Variants in ATP11B observed in about 807,000 individuals in gnomAD.
ATP11B encodes the protein phospholipid-transporting ATPase IF.
ATP11B carries 81 observed loss-of-function variants against 157.8 expected under a neutral mutation model. That is an observed-to-expected ratio of 0.51 (90% confidence interval 0.43 to 0.62). The LOEUF is 0.62. ATP11B is among the 20% of genes least tolerant of loss of function. The probability of loss-of-function intolerance (pLI) is 0.00; values close to 1 mark genes in which losing one functional copy is unlikely to be tolerated. For synonymous variants in ATP11B, 451 were observed against 469.4 expected (o/e 0.96, Z 0.51); for missense variants, 1,165 against 1,402.2 (o/e 0.83, Z 2.70).
At chr3:182,848,392 A>G in intron 9 of ATP11B, 84 bp from the exon 10 acceptor site, 1 of 795,280 alleles carries the variant, frequency 1.3e-6, no homozygotes, top group Non-Finnish European at 1.8e-6. Flanking sequence ...GTACACTAAA[A>G]GCTTTCATGC....
rs1489001936 is a variant in ATP11B at position 182,793,717 on chromosome 3, C to A, written c.-43C>A. The A allele has an allele frequency of 2.9e-6, 4 of 1,383,106 alleles. No homozygotes were observed. Among genetic ancestry groups the A allele is most frequent in the Non-Finnish European group, 3.8e-6 (4 of 1,054,764 alleles). The allele number at this position is 1,383,106 out of a possible 1,614,324, so 85.7% of individuals were successfully genotyped here. ...TTGTCGGCCTCCACCTGCAGCCCCG[C>A]GGCCCCCGCGCCCCGCGGGACCCGG... is the stretch of plus-strand genomic sequence containing the variant. On this transcript the variant is annotated 5_prime_UTR_variant, in exon 1 of 30. Transcript: ENST00000323116.
chr3:182,814,961 G>A, intron 1 of ATP11B, among the ~76,000 whole-genome samples: 1 of 152,222 alleles, frequency 6.6e-6, no homozygotes, highest in Non-Finnish European at 1.5e-5. Context: ...AGGGGCATCA[G>A]CTAAAGCTCC....
intron 27 of ATP11B, among the ~76,000 whole-genome samples, chr3:182,898,048 T>C (rs1478906737): frequency 6.6e-6 from 1 of 152,020 alleles, no homozygotes; most frequent in African/African-American, 2.4e-5. Flanking sequence ...CCAAAAAAAT[T>C]TGGATTAGCT....
At chr3:182,890,225 G>C (rs900442440) in intron 25 of ATP11B, among the ~76,000 whole-genome samples, 14 of 152,150 alleles carry the variant, frequency 9.2e-5, no homozygotes, top group African/African-American at 3.1e-4. Flanking sequence ...TAACTAAATG[G>C]GTTAGGAAGG....
At chr3:182,871,548 GA>G (rs2108548774) in intron 17 of ATP11B, among the ~76,000 whole-genome samples, 1 of 152,224 alleles carries the variant, frequency 6.6e-6, no homozygotes, top group South Asian at 2.1e-4. Context: ...TGACTTATTT[GA>G]AAGGTAAATT....
At chr3:182,811,659 A>T (rs191799446) in intron 1 of ATP11B, among the ~76,000 whole-genome samples, 4 of 152,316 alleles carry the variant, frequency 2.6e-5, no homozygotes, top group African/African-American at 4.8e-5. Context: ...TAATAGGTGG[A>T]TAGAAAAGCC....
rs545662882 is a variant in ATP11B at position 182,800,428 on chromosome 3, A to G, written c.27+6642A>G. Among the ~76,000 whole-genome samples the G allele has an allele frequency of 1.7e-4, 25 of 151,088 alleles. No individual in the cohort carries two copies. In the South Asian group the frequency reaches 4.4e-3, roughly 27 times the overall value. ...AAATTGTAGAGGTGGGGGTCTCACT[A>G]TGTTTCCCAGGCTGGTCTCAGACTC... On this transcript the variant is annotated intron_variant, in intron 1 of 29. Coordinates refer to ENST00000323116, the MANE Select transcript of ATP11B (RefSeq NM_014616.3).
chr3:182,795,563 T>C (rs9283650), intron 1 of ATP11B, among the ~76,000 whole-genome samples: 80,004 of 152,048 alleles, frequency 0.53, 23,871 homozygotes, highest in Non-Finnish European at 0.68. Context: ...ACAGGGATGG[T>C]TAACGAGTTG....
intron 1 of ATP11B, among the ~76,000 whole-genome samples, chr3:182,800,380 C>A (rs1477256035): frequency 2.0e-5 from 2 of 98,362 alleles, no homozygotes; most frequent in East Asian, 5.5e-4. Context: ...TGCCACCACA[C>A]CCAGCTAATT....
At chr3:182,848,171 CT>C (rs571928059) in intron 9 of ATP11B, among the ~76,000 whole-genome samples, 1 of 152,192 alleles carries the variant, frequency 6.6e-6, no homozygotes, top group African/African-American at 2.4e-5. Context: ...TTCCCTGACA[CT>C]TTTATCTTTC....
At chr3:182,872,272 A>C in intron 17 of ATP11B, 84 bp from the exon 18 acceptor site, 1 of 932,596 alleles carries the variant, frequency 1.1e-6, no homozygotes, top group South Asian at 1.8e-5. Flanking sequence ...CTAGGTCTTC[A>C]GTGTATTTTG....
intron 29 of ATP11B, chr3:182,917,219 G>C: frequency 1.0e-6 from 1 of 985,300 alleles, no homozygotes; most frequent in Non-Finnish European, 1.2e-6. Context: ...TACATAAAAT[G>C]TATTTATTGT....
chr3:182,822,567 G>A (rs577521842), intron 2 of ATP11B, among the ~76,000 whole-genome samples: 2 of 152,258 alleles, frequency 1.3e-5, no homozygotes, highest in Non-Finnish European at 2.9e-5. Flanking sequence ...GAATAGTTCT[G>A]CAGTAAATAC....
At chr3:182,879,330 T>C (rs557876948) in intron 19 of ATP11B, among the ~76,000 whole-genome samples, 166 bp from the exon 20 acceptor site, 1 of 152,370 alleles carries the variant, frequency 6.6e-6, no homozygotes, top group South Asian at 2.1e-4. Flanking sequence ...TGCTTAATTT[T>C]AAATTTAAGG....
intron 17 of ATP11B, 35 bp downstream of exon 17, chr3:182,869,366 A>G: frequency 7.7e-7 from 1 of 1,296,492 alleles, no homozygotes; most frequent in Non-Finnish European, 1.1e-6. Context: ...AAAAACTCTA[A>G]AAGATATATT....
intron 25 of ATP11B, among the ~76,000 whole-genome samples, chr3:182,896,027 A>T (rs2108577038): frequency 6.6e-6 from 1 of 152,292 alleles, no homozygotes; most frequent in South Asian, 2.1e-4. Context: ...GTTTGGACTA[A>T]CAATGATTAC....
intron 2 of ATP11B, among the ~76,000 whole-genome samples, chr3:182,825,870 A>C (rs1466066171): frequency 2.6e-5 from 4 of 152,188 alleles, no homozygotes; most frequent in African/African-American, 4.8e-5. Flanking sequence ...ACTGCACTCC[A>C]GCCTGGGCAG....
intron 1 of ATP11B, among the ~76,000 whole-genome samples, chr3:182,804,028 A>C (rs1032744342): frequency 8.6e-5 from 13 of 151,882 alleles, no homozygotes; most frequent in Non-Finnish European, 1.2e-4. Flanking sequence ...TTATTCTTCC[A>C]TATGCCACTT....
intron 1 of ATP11B, among the ~76,000 whole-genome samples, chr3:182,807,959 C>T (rs1474725376): frequency 2.6e-5 from 4 of 152,080 alleles, no homozygotes; most frequent in Admixed American, 1.3e-4. Flanking sequence ...TCAGAATGAT[C>T]AAACATTTTA....
Sources: allele counts gnomAD v4.1 joint callset (sites outside exome capture counted in the v4.1 genomes callset), GRCh38; gene constraint gnomAD v4.1.1; transcripts MANE v1.5; gene names NCBI Gene and HGNC (gene_info 2026-07-23, HGNC 2026-07-21).